NDEL1: variants seen among roughly 807,000 people sequenced by gnomAD.
The protein encoded by NDEL1 is nudE neurodevelopment protein 1 like 1.
NDEL1 carries 9 observed loss-of-function variants against 45.7 expected under a neutral mutation model. The ratio of observed to expected loss-of-function variants is 0.20; its 90% confidence interval spans 0.12 to 0.34. The LOEUF (loss-of-function observed/expected upper bound fraction) is 0.34, where lower values mean the gene tolerates loss of function less well. Among genes scored for constraint, NDEL1 ranks in the 10% least tolerant of loss-of-function variants. The pLI is 1.00. For missense variants in NDEL1, 306 were observed against 406.2 expected (o/e 0.75, Z 2.12); for synonymous variants, 133 against 158.6 (o/e 0.84, Z 1.21).
intron 1 of NDEL1, among the ~76,000 whole-genome samples, chr17:8,428,856 G>A (rs1249566178): frequency 6.6e-6 from 1 of 151,318 alleles, no homozygotes; most frequent in Admixed American, 6.6e-5. Flanking sequence ...TGTATTTTTA[G>A]TAGAGACGGG....
chr17:8,463,503 T>C, intron 8 of NDEL1: 3 of 665,668 alleles, frequency 4.5e-6, no homozygotes, highest in Admixed American at 5.6e-5. Flanking sequence ...TTCACGGTCC[T>C]GTTCGACTTG....
intron 1 of NDEL1, among the ~76,000 whole-genome samples, chr17:8,416,881 G>A (rs563962470): frequency 5.7e-4 from 86 of 152,146 alleles, no homozygotes; most frequent in African/African-American, 2.0e-3. Context: ...TGTTTTGGAA[G>A]ATTTTCTCAA....
At chr17:8,472,733 A>AAAAT (rs145788731), downstream of NDEL1, among the ~76,000 whole-genome samples, 68,261 of 151,578 alleles carry the variant, frequency 0.45, 15,526 homozygotes, top group African/African-American at 0.54. Context: ...TGCATTAAAG[A>AAAAT]AAATAAATAA....
At chr17:8,453,529 T>C (rs1044230271) in intron 6 of NDEL1, among the ~76,000 whole-genome samples, 3 of 152,196 alleles carry the variant, frequency 2.0e-5, no homozygotes, top group Non-Finnish European at 4.4e-5. Flanking sequence ...TCAAGAGCCG[T>C]TAATCATGAT....
intron 1 of NDEL1, among the ~76,000 whole-genome samples, chr17:8,429,633 A>G (rs970081748): frequency 6.6e-6 from 1 of 152,038 alleles, no homozygotes; most frequent in Non-Finnish European, 1.5e-5. Flanking sequence ...GAGGAAGGGA[A>G]TCATCTATTT....
intron 1 of NDEL1, among the ~76,000 whole-genome samples, chr17:8,441,656 AC>A (rs1204001969): frequency 6.6e-6 from 1 of 151,754 alleles, no homozygotes; most frequent in African/African-American, 2.4e-5. Context: ...CTTCACCACA[AC>A]CTCAAATATA....
rs1321181088 is a variant in NDEL1, at chr17:8,467,240, C to T, written c.*217C>T. The T allele has an allele frequency of 1.7e-5, 10 of 592,606 alleles. No individual in the cohort carries two copies. The highest frequency in any genetic ancestry group is 2.4e-5 in the Non-Finnish European group (8 of 333,788). The allele number at this position is 592,606 out of a possible 1,614,324, so 36.7% of individuals were successfully genotyped here. On this transcript the variant is annotated 3_prime_UTR_variant, in exon 9 of 9. Transcript: ENST00000334527. The surrounding 1 kb of genome is among the most constrained non-coding windows in gnomAD (Gnocchi z 6.3). ...GCTATTTTCTCTTCTCGCCGTAGTG[C>T]CGTTGGTTTCACATGATTGCACTTT...
At chr17:8,446,309 C>T (rs1251525686) in intron 3 of NDEL1, among the ~76,000 whole-genome samples, 1 of 152,146 alleles carries the variant, frequency 6.6e-6, no homozygotes, top group Non-Finnish European at 1.5e-5. Context: ...CAAAAGGATT[C>T]ACCCCTTTCT....
At chr17:8,429,696 A>G (rs1211236088) in intron 1 of NDEL1, among the ~76,000 whole-genome samples, 1 of 152,184 alleles carries the variant, frequency 6.6e-6, no homozygotes, top group Non-Finnish European at 1.5e-5. Context: ...TCCATAGGAT[A>G]TAGACCGTAG....
rs377609442 is a variant in NDEL1 at position 8,446,906 on chromosome 17, A to G, written c.389+4A>G. The G allele has an allele frequency of 5.1e-5, 82 of 1,613,360 alleles. No individual in the cohort carries two copies. The highest frequency in any genetic ancestry group is 6.4e-5 in the Non-Finnish European group (76 of 1,179,638). ...ACGACCTGGAGCGAGCCAAAAGGTA[A>G]ACGAATGACTGCATTTTGTTAGAAA... On this transcript the variant is annotated splice_donor_region_variant and intron_variant, in intron 4 of 8. Coordinates refer to ENST00000334527, the MANE Select transcript of NDEL1 (RefSeq NM_030808.5).
intron 1 of NDEL1, among the ~76,000 whole-genome samples, chr17:8,443,131 AG>A (rs1167540466): frequency 6.6e-6 from 1 of 152,214 alleles, no homozygotes; most frequent in Non-Finnish European, 1.5e-5. Flanking sequence ...AGTATGGAAT[AG>A]GTTGAATCAA....
intron 1 of NDEL1, among the ~76,000 whole-genome samples, chr17:8,426,738 T>A (rs567243406): frequency 6.6e-6 from 1 of 152,052 alleles, no homozygotes; most frequent in African/African-American, 2.4e-5. Context: ...CAGAGATTCA[T>A]GGGAGCATGG....
rs118149507 is a variant in NDEL1 at position 8,467,629 on chromosome 17, C to T, written c.*606C>T. ...TTGCCTCCCAGAGCAGCACAATGCC[C>T]GTCTGAGCCCCACGTGGCAGGAGCC... On this transcript the variant is annotated 3_prime_UTR_variant, in exon 9 of 9. Coordinates refer to ENST00000334527, the MANE Select transcript of NDEL1 (RefSeq NM_030808.5). This position sits in a 1 kb window ranked among gnomAD's most constrained non-coding sequence, Gnocchi z 6.3. 0.017 allele frequency: 2,672 copies of T among 157,196 alleles called. 37 individuals are homozygous for T. The highest frequency in any genetic ancestry group is 0.028 in the Non-Finnish European group (1,963 of 71,152). The allele number at this position is 157,196 out of a possible 1,614,324, so 9.7% of individuals were successfully genotyped here.
chr17:8,432,223 T>C (rs1253919820), upstream of NDEL1: 1 of 150,054 alleles, frequency 6.7e-6, no homozygotes, highest in Non-Finnish European at 1.5e-5. Flanking sequence ...CCCTAAAGAA[T>C]TGAGGATCTG....
chr17:8,430,676 C>G (rs1031849713), intron 1 of NDEL1, among the ~76,000 whole-genome samples: 13 of 152,190 alleles, frequency 8.5e-5, no homozygotes, highest in Admixed American at 8.5e-4. Flanking sequence ...TACTGGGACC[C>G]ATGCCTCGGC....
At chr17:8,421,685 G>T (rs965121348) in intron 1 of NDEL1, among the ~76,000 whole-genome samples, 74 of 152,286 alleles carry the variant, frequency 4.9e-4, no homozygotes, top group African/African-American at 1.7e-3. Flanking sequence ...GCAGCCACAG[G>T]AAACAAATAC....
intron 8 of NDEL1, chr17:8,466,243 T>C (rs1911579057): frequency 6.6e-6 from 1 of 152,142 alleles, no homozygotes. Context: ...AAGTAACGAT[T>C]CTTAAATTTT....
intron 4 of NDEL1, 131 bp from the exon 5 acceptor site, chr17:8,448,419 A>C: frequency 1.1e-6 from 1 of 922,720 alleles, no homozygotes; most frequent in East Asian, 2.6e-5. Flanking sequence ...AAGGGGCAAG[A>C]TCATCTTCTT....
At chr17:8,460,770 A>T (rs913223916) in intron 8 of NDEL1, among the ~76,000 whole-genome samples, 2 of 152,202 alleles carry the variant, frequency 1.3e-5, no homozygotes, top group African/African-American at 4.8e-5. Context: ...CATTCCTTAC[A>T]GTTATTCCAA....
Sources: gnomAD v4.1 joint callset for allele counts (sites outside exome capture counted in the v4.1 genomes callset) on GRCh38, gnomAD v4.1.1 for gene constraint, Gnocchi (gnomAD v3.1) non-coding constraint, MANE v1.5 for transcripts, NCBI Gene and HGNC (gene_info 2026-07-23, HGNC 2026-07-21) for gene names.